DNMBP: variants seen among roughly 807,000 people sequenced by gnomAD.
DNMBP encodes the protein dynamin-binding protein.
In DNMBP, 87 loss-of-function variants were observed where a neutral mutation model predicts 150.0. That is an observed-to-expected ratio of 0.58 (90% CI 0.49 to 0.69). The LOEUF (loss-of-function observed/expected upper bound fraction) is 0.69. DNMBP is among the 30% of genes least tolerant of loss of function. The pLI is 0.00. For synonymous variants in DNMBP, 711 were observed against 750.4 expected (o/e 0.95, Z 0.86); for missense variants, 1,774 against 1,949.0 (o/e 0.91, Z 1.69).
intron 4 of DNMBP, among the ~76,000 whole-genome samples, chr10:99,934,650 A>T (rs2040203760): frequency 7.3e-6 from 1 of 136,168 alleles, no homozygotes; most frequent in African/African-American, 2.8e-5. Context: ...TCATGGTAAA[A>T]GTTTGGCCCG....
Position 99,894,999 on chromosome 10 carries a change from T to C in DNMBP, c.3103A>G (p.Arg1035Gly). ...ETEKNFRMQE[R>G]LIKSFIRDLS... ...TCTCGGATAAAAGACTTAATCAATCTTTCTTGCATTCGGAAGTTTTTTTCT... is the reference window on the plus strand; with the variant it reads ...TCTCGGATAAAAGACTTAATCAATCCTTCTTGCATTCGGAAGTTTTTTTCT... Residue 1035 changes from arginine to glycine, a missense_variant, in exon 11 of 17, where the codon AGA becomes GGA. This residue lies in a region of DNMBP where 1,430 missense variants were observed against 1,492.5 expected (regional missense o/e 0.96). Transcript: ENST00000324109. 1 of 1,614,082 alleles carries C rather than the reference T, an allele frequency of 6.2e-7. No individual in the cohort carries two copies. The highest frequency in any genetic ancestry group is 1.1e-5 in the South Asian group (1 of 91,060).
rs780654958 is a variant in DNMBP, at chr10:99,956,474, C to A, written c.1000G>T (p.Val334Leu). ...CTGGTTTCATGTCTTTGTTCCTCTACTCCTAAGGTGTTCTCCAAACAATCC... is the reference window on the plus strand; with the variant it reads ...CTGGTTTCATGTCTTTGTTCCTCTAATCCTAAGGTGTTCTCCAAACAATCC... The part of the protein sequence containing the change: ...SLDCLENTLG[V>L]EEQRHETSDH... Residue 334 changes from valine to leucine, a missense_variant, in exon 4 of 17, where the codon GTA (valine) becomes TTA (leucine). Around this residue, in one of 2 missense-constraint regions of DNMBP, gnomAD observed 344 missense variants for 456.6 expected, o/e 0.75. Coordinates refer to ENST00000324109, the MANE Select transcript of DNMBP (RefSeq NM_015221.4). The A allele has an allele frequency of 1.2e-6, 2 of 1,614,158 alleles. No homozygotes were observed. The highest frequency in any genetic ancestry group is 4.5e-5 in the East Asian group (2 of 44,884).
intron 4 of DNMBP, chr10:99,930,607 A>G: frequency 1.4e-6 from 1 of 702,936 alleles, no homozygotes; most frequent in Non-Finnish European, 2.6e-6. Context: ...CCCTTGGCCC[A>G]GTACCTGGGA....
intron 4 of DNMBP, chr10:99,927,419 TGA>T (rs760901262): frequency 1.3e-5 from 2 of 152,226 alleles, no homozygotes; most frequent in African/African-American, 2.4e-5. Context: ...TATCTCATTA[TGA>T]GAGAGGTATT....
In DNMBP at chr10:99,980,881, G is replaced by A. The variant is rs187576737; in HGVS notation, c.-10-8747C>T. ...ACTGCATGAATGAGGTACACAGAGG[G>A]GTCAAATTCATAAGAGATTAAAAGC... On this transcript the variant is annotated intron_variant, in intron 1 of 16. Coordinates refer to ENST00000324109, the MANE Select transcript of DNMBP (RefSeq NM_015221.4). Among the ~76,000 whole-genome samples the A allele has an allele frequency of 2.0e-5, 3 of 152,162 alleles. No homozygotes were observed. In the East Asian group the frequency reaches 5.8e-4, roughly 29 times the overall value.
chr10:99,914,970 T>C (rs2039944831), intron 4 of DNMBP, among the ~76,000 whole-genome samples: 1 of 151,168 alleles, frequency 6.6e-6, no homozygotes, highest in East Asian at 1.9e-4. Flanking sequence ...GGCACACACT[T>C]GTAATCCCAG....
intron 9 of DNMBP, among the ~76,000 whole-genome samples, chr10:99,897,301 G>A (rs949825121): frequency 3.3e-5 from 5 of 152,146 alleles, no homozygotes; most frequent in African/African-American, 1.2e-4. Context: ...GGGGAGGTGA[G>A]GGACTCAACC....
chr10:99,905,780 G>A (rs55660717), intron 6 of DNMBP, among the ~76,000 whole-genome samples: 8,141 of 152,216 alleles, frequency 0.053, 240 homozygotes, highest in Middle Eastern at 0.18. Context: ...AGACTAGCCT[G>A]GGCAATATAG....
At chr10:99,885,943 T>C (rs758088051) in intron 13 of DNMBP, 77 bp from the exon 14 acceptor site, 30 of 1,337,154 alleles carry the variant, frequency 2.2e-5, no homozygotes, top group Admixed American at 2.6e-5. Context: ...GAAGAAAACA[T>C]GATGAAAGAT....
At chr10:99,889,644 C>T (rs2039526758) in intron 11 of DNMBP, 1 of 152,274 alleles carries the variant, frequency 6.6e-6, no homozygotes, top group South Asian at 2.1e-4. Flanking sequence ...TCCAGGCTTT[C>T]TTTCGAGACC....
intron 1 of DNMBP, among the ~76,000 whole-genome samples, chr10:99,992,301 G>C (rs938603941): frequency 3.9e-5 from 6 of 151,964 alleles, no homozygotes; most frequent in Admixed American, 3.9e-4. Context: ...AGACTACCTA[G>C]ATCTATATGG....
rs2039515772 is a variant in DNMBP, at chr10:99,888,967, G to GGACA, written c.3157-18_3157-15dup. 6.2e-7 allele frequency: 1 copy of GGACA among 1,613,780 alleles called. No homozygotes were observed. Among genetic ancestry groups the GGACA allele is most frequent in the Admixed American group, 1.7e-5 (1 of 59,976 alleles). ...ACATGCGGACTCCTGGAGCCAGTTA[G>GGACA]GACAGACACAAGTCAGAACAGACAG... On this transcript the variant is annotated splice_polypyrimidine_tract_variant and intron_variant, in intron 11 of 16. Transcript: ENST00000324109.
At chr10:99,888,351 C>G (rs528006832) in intron 12 of DNMBP, among the ~76,000 whole-genome samples, 1 of 152,150 alleles carries the variant, frequency 6.6e-6, no homozygotes, top group South Asian at 2.1e-4. Flanking sequence ...CCTGGGATTA[C>G]AGGTGCCCAC....
intron 3 of DNMBP, among the ~76,000 whole-genome samples, chr10:99,959,713 C>T (rs1418311925): frequency 3.3e-5 from 5 of 150,694 alleles, no homozygotes; most frequent in Non-Finnish European, 5.9e-5. Context: ...AAAAATTAGC[C>T]GGTGTGGTGG....
At chr10:99,889,912 T>G (rs1309721486) in intron 11 of DNMBP, among the ~76,000 whole-genome samples, 6 of 152,102 alleles carry the variant, frequency 3.9e-5, no homozygotes, top group Admixed American at 3.9e-4. Context: ...ACCAGTTACC[T>G]CTCCTTCCTC....
intron 1 of DNMBP, among the ~76,000 whole-genome samples, chr10:99,981,849 G>C (rs2040782553): frequency 6.6e-6 from 1 of 152,126 alleles, no homozygotes; most frequent in African/African-American, 2.4e-5. Context: ...CTCCCTGCTG[G>C]GTTGTGAGTT....
chr10:99,948,547 C>T (rs2040384525), intron 4 of DNMBP, among the ~76,000 whole-genome samples: 4 of 152,142 alleles, frequency 2.6e-5, no homozygotes, highest in African/African-American at 7.2e-5. Flanking sequence ...TAATCAGACA[C>T]ACAAAGAGCC....
At chr10:100,002,483 G>T (rs895229279) in intron 1 of DNMBP, among the ~76,000 whole-genome samples, 1 of 152,078 alleles carries the variant, frequency 6.6e-6, no homozygotes, top group Non-Finnish European at 1.5e-5. Context: ...AGTAAAGACC[G>T]ATCCACAGAG....
intron 1 of DNMBP, among the ~76,000 whole-genome samples, chr10:99,990,581 C>A (rs1436556743): frequency 3.6e-5 from 5 of 137,322 alleles, no homozygotes; most frequent in East Asian, 4.2e-4. Flanking sequence ...GGATTGGTTG[C>A]AAATGACTAA....
Sources: gnomAD v4.1 joint callset for allele counts (sites outside exome capture counted in the v4.1 genomes callset) on GRCh38, gnomAD v4.1.1 for gene constraint, gnomAD v4.1.1 regional missense constraint, MANE v1.5 for transcripts, NCBI Gene and HGNC (gene_info 2026-07-23, HGNC 2026-07-21) for gene names.